The following BCAR1 variants were observed in gnomAD, a reference collection of about 807,000 sequenced individuals.
BCAR1 encodes the protein breast cancer anti-estrogen resistance protein 1.
A neutral mutation model predicts 67.6 loss-of-function variants in BCAR1; 30 were observed. The observed-to-expected ratio is 0.44, with a 90% confidence interval of 0.33 to 0.60. The LOEUF is 0.60. Ranked by LOEUF, BCAR1 falls within the 20% of genes least tolerant of loss-of-function variation. The pLI, the probability that BCAR1 is intolerant of heterozygous loss-of-function variation, is 0.02. For synonymous variants in BCAR1, 626 were observed against 556.7 expected (o/e 1.12, Z -1.75); for missense variants, 1,313 against 1,222.3 (o/e 1.07, Z -1.11).
chr16:75,253,127 A>G (rs1289190390), upstream of BCAR1, among the ~76,000 whole-genome samples: 5 of 152,280 alleles, frequency 3.3e-5, no homozygotes, highest in Non-Finnish European at 5.9e-5. Context: ...GCCTCGCCTC[A>G]GAAGAGGAGC....
intron 1 of BCAR1, among the ~76,000 whole-genome samples, chr16:75,263,065 C>G (rs114835869): frequency 0.029 from 4,485 of 152,258 alleles, 102 homozygotes; most frequent in Middle Eastern, 0.12. Context: ...CACAGGCCCT[C>G]TGTGGGCCTG....
intron 1 of BCAR1, among the ~76,000 whole-genome samples, chr16:75,245,493 A>G (rs1287042289): frequency 6.6e-6 from 1 of 152,208 alleles, no homozygotes. Context: ...ACAGGCAGGG[A>G]GGCCGGGGGC....
intron 1 of BCAR1, chr16:75,247,964 G>A: frequency 1.2e-6 from 1 of 839,906 alleles, no homozygotes; most frequent in Non-Finnish European, 2.0e-6. Context: ...AATAAGAACA[G>A]CACAGTTCCT....
At chr16:75,241,496 G>C (rs2077339655) in intron 2 of BCAR1, among the ~76,000 whole-genome samples, 1 of 152,124 alleles carries the variant, frequency 6.6e-6, no homozygotes, top group Non-Finnish European at 1.5e-5. Context: ...GCTAAAGCCA[G>C]TTTGGGAGCA....
chr16:75,236,087 TACAG>T (rs1487709390), intron 4 of BCAR1, 101 bp from the exon 5 acceptor site: 8 of 1,405,434 alleles, frequency 5.7e-6, no homozygotes, highest in East Asian at 5.0e-5. Flanking sequence ...CGTACACACA[TACAG>T]ACACACACAC....
At chr16:75,234,164 G>GACAGACACAC (rs1491375654) in intron 5 of BCAR1, among the ~76,000 whole-genome samples, 2 of 94,958 alleles carry the variant, frequency 2.1e-5, no homozygotes, top group African/African-American at 6.2e-5. Flanking sequence ...CAGGCAGACA[G>GACAGACACAC]ACACACACAC....
intron 1 of BCAR1, chr16:75,264,840 C>A: frequency 4.2e-6 from 1 of 237,626 alleles, no homozygotes; most frequent in Non-Finnish European, 7.5e-6. Flanking sequence ...GAGGGAAAAG[C>A]CCCTAACTAG....
chr16:75,233,353 A>C (rs2076968168), intron 6 of BCAR1, among the ~76,000 whole-genome samples: 1 of 151,954 alleles, frequency 6.6e-6, no homozygotes, highest in South Asian at 2.1e-4. Context: ...AGCCTGTGTG[A>C]CAGAACAAGA....
At chr16:75,245,900 C>T (rs923152581) in intron 1 of BCAR1, 2 of 150,616 alleles carry the variant, frequency 1.3e-5, no homozygotes, top group East Asian at 1.9e-4. Context: ...GGGCAAATCC[C>T]TTAGCCTCTC....
chr16:75,234,906 C>A lies in BCAR1; in HGVS notation c.1993G>T (p.Asp665Tyr). The A allele has an allele frequency of 6.5e-7, 1 of 1,540,580 alleles. No individual in the cohort carries two copies. The highest frequency in any genetic ancestry group is 8.8e-7 in the Non-Finnish European group (1 of 1,139,088). The change falls in exon 5 of 7, where the codon GAC (aspartate) becomes TAC (tyrosine). Residue 665 changes from aspartate (D) to tyrosine (Y), a missense_variant. Asp to Tyr is a radical substitution (Grantham distance 160). Coordinates refer to ENST00000162330, the MANE Select transcript of BCAR1 (RefSeq NM_014567.5). ...NSEGGWMEDY[D>Y]YVHLQGKEEF... ...GCACCCACCTGTAGGTGGACGTAGT[C>A]ATAGTCCTCCATCCAGCCCCCCTCG... is the stretch of plus-strand genomic sequence containing the variant.
chr16:75,265,023 AG>A (rs1255620582), intron 1 of BCAR1: 1 of 152,530 alleles, frequency 6.6e-6, no homozygotes, highest in African/African-American at 2.4e-5. Flanking sequence ...TGCTGTTCTC[AG>A]GAGGTGAGAC....
At chr16:75,257,234 T>C (rs1233933559) in intron 1 of BCAR1, among the ~76,000 whole-genome samples, 3 of 151,546 alleles carry the variant, frequency 2.0e-5, no homozygotes, top group Non-Finnish European at 4.4e-5. Flanking sequence ...CCCAGTGTAC[T>C]GGGCGGAGGG....
chr16:75,240,554 A>G (rs550094068), intron 2 of BCAR1, among the ~76,000 whole-genome samples: 7 of 152,386 alleles, frequency 4.6e-5, no homozygotes, highest in African/African-American at 1.7e-4. Flanking sequence ...TGTGAAACAC[A>G]GGGCAGATAC....
At chr16:75,247,981 G>A (rs531979143) in intron 1 of BCAR1, 25 of 904,124 alleles carry the variant, frequency 2.8e-5, no homozygotes, top group Admixed American at 1.9e-4. Context: ...TCCTCCCTGC[G>A]GGAGGCAGAG....
chr16:75,265,704 GC>G, intron 1 of BCAR1: 1 of 1,122,744 alleles, frequency 8.9e-7, no homozygotes, highest in Non-Finnish European at 1.1e-6. Context: ...GGCCGAGGAG[GC>G]CCCAGTGAGG....
intron 1 of BCAR1, among the ~76,000 whole-genome samples, chr16:75,265,616 T>C (rs2077991537): frequency 6.6e-6 from 1 of 151,722 alleles, no homozygotes; most frequent in South Asian, 2.1e-4. Flanking sequence ...GATCCAGCTC[T>C]CCTGAAAGAG....
intron 1 of BCAR1, chr16:75,250,827 C>T (rs2077658779): frequency 3.0e-6 from 3 of 985,452 alleles, no homozygotes; most frequent in African/African-American, 3.5e-5. Context: ...GCTAGGACTC[C>T]TGTGGCCAGG....
chr16:75,265,772 C>CGCAGCCGGGCGGGGG (rs2077997066), intron 1 of BCAR1: 2 of 1,196,328 alleles, frequency 1.7e-6, no homozygotes, highest in South Asian at 8.3e-5. Flanking sequence ...GGGGCGAGGT[C>CGCAGCCGGGCGGGGG]GCAGCCGGGC....
At chr16:75,231,115 T>A (rs1236469598) in intron 6 of BCAR1, among the ~76,000 whole-genome samples, 5 of 150,976 alleles carry the variant, frequency 3.3e-5, no homozygotes, top group Admixed American at 1.3e-4. Flanking sequence ...TTTTTTTTTT[T>A]AAATGGAGTC....
Sources: gnomAD v4.1 joint callset for allele counts (sites outside exome capture counted in the v4.1 genomes callset) on GRCh38, gnomAD v4.1.1 for gene constraint, MANE v1.5 for transcripts, NCBI Gene and HGNC (gene_info 2026-07-23, HGNC 2026-07-21) for gene names.